The following UTRN variants were observed in gnomAD, a reference collection of about 807,000 sequenced individuals.
UTRN encodes utrophin.
A neutral mutation model predicts 463.9 loss-of-function variants in UTRN; 283 were observed. That is an observed-to-expected ratio of 0.61 (90% CI 0.55 to 0.67). UTRN has a LOEUF of 0.67. UTRN is among the 30% of genes least tolerant of loss of function. UTRN has a pLI of 0.00. For missense variants in UTRN, 3,922 were observed against 4,084.3 expected, an observed-to-expected ratio of 0.96 and a Z score of 1.08; for synonymous variants, 1,442 against 1,431.5, an observed-to-expected ratio of 1.01 and a Z score of -0.17.
chr6:144,345,448 G>A (rs1215896903), intron 2 of UTRN, among the ~76,000 whole-genome samples: 2 of 152,122 alleles, frequency 1.3e-5, no homozygotes, highest in African/African-American at 4.8e-5. Context: ...GCTGCGGCAT[G>A]AGGATCACTT....
intron 3 of UTRN, among the ~76,000 whole-genome samples, chr6:144,419,973 GACACAC>G (rs60093118): frequency 0.037 from 5,419 of 147,990 alleles, 318 homozygotes; most frequent in African/African-American, 0.13. Flanking sequence ...CACAGACACA[GACACAC>G]ACACACACAC....
intron 51 of UTRN, among the ~76,000 whole-genome samples, chr6:144,605,677 ATT>A (rs11370145): frequency 6.4e-5 from 9 of 139,710 alleles, no homozygotes; most frequent in East Asian, 6.1e-4. Context: ...TGTGGGTGCC[ATT>A]TTTTTTTTTT....
intron 51 of UTRN, among the ~76,000 whole-genome samples, chr6:144,588,386 C>T (rs1165605592): frequency 2.6e-5 from 4 of 152,128 alleles, no homozygotes; most frequent in Non-Finnish European, 5.9e-5. Context: ...TAGCTAAAAA[C>T]AGTATAATTA....
In UTRN at chr6:144,448,781, T is replaced by G. The variant is rs1422298570; in HGVS notation, c.2072+12T>G. On this transcript the variant is annotated intron_variant, in intron 17 of 74. Coordinates refer to ENST00000367545, the MANE Select transcript of UTRN (RefSeq NM_007124.3). ...GAAGCTAAGAAAAAGTGAGAAGAGA[T>G]AGAGAAATTGTTCAAATCCAATATT... 28 of 1,611,506 alleles carry G rather than the reference T, an allele frequency of 1.7e-5. No individual in the cohort carries two copies. The Middle Eastern group carries it at 1.3e-3, about 76-fold the overall frequency.
intron 51 of UTRN, among the ~76,000 whole-genome samples, chr6:144,669,957 G>GTGTA (rs1491485615): frequency 5.5e-3 from 29 of 5,314 alleles, no homozygotes; most frequent in African/African-American, 0.011. Flanking sequence ...GTATTCCATG[G>GTGTA]TGTGTGTGTG....
intron 12 of UTRN, among the ~76,000 whole-genome samples, chr6:144,439,309 G>C (rs1413271694): frequency 6.6e-6 from 1 of 152,072 alleles, no homozygotes; most frequent in Admixed American, 6.5e-5. Flanking sequence ...CACAAGTCTA[G>C]GAGATAAACT....
chr6:144,551,136 GACAC>G (rs5880596), intron 48 of UTRN, 54 bp downstream of exon 48: 16,333 of 629,198 alleles, frequency 0.026, 303 homozygotes, highest in African/African-American at 0.11. Context: ...TGCAAATGGT[GACAC>G]ACACACACAC....
rs1377310271 is a variant in UTRN at position 144,613,520 on chromosome 6, A to G, written c.7479+36232A>G. On this transcript the variant is annotated intron_variant, in intron 51 of 74. Transcript: ENST00000367545. ...GGTTTTTCAATTACAAAACAAAAAC[A>G]AAAACACTAAATGCATGTTGTATGA... Among the ~76,000 whole-genome samples, 9 of 152,116 alleles carry G rather than the reference A, an allele frequency of 5.9e-5. No individual in the cohort carries two copies. In the East Asian group the frequency reaches 1.7e-3, roughly 29 times the overall value.
chr6:144,649,340 T>C (rs1323621720), intron 51 of UTRN, among the ~76,000 whole-genome samples: 2 of 152,156 alleles, frequency 1.3e-5, no homozygotes, highest in Admixed American at 1.3e-4. Context: ...ACCTTGAAAG[T>C]TAGGAGTCAG....
At chr6:144,765,956 A>G (rs1334301144) in intron 58 of UTRN, among the ~76,000 whole-genome samples, 2 of 152,004 alleles carry the variant, frequency 1.3e-5, no homozygotes, top group East Asian at 1.9e-4. Context: ...CTAAAAGTAT[A>G]TCTTTGGATT....
At chr6:144,642,445 C>T (rs1342265842) in intron 51 of UTRN, among the ~76,000 whole-genome samples, 1 of 152,084 alleles carries the variant, frequency 6.6e-6, no homozygotes, top group African/African-American at 2.4e-5. Flanking sequence ...AAAAGTAATA[C>T]ATTTTGAGGG....
At chr6:144,510,171 A>G (rs1030225658) in intron 34 of UTRN, among the ~76,000 whole-genome samples, 4 of 152,222 alleles carry the variant, frequency 2.6e-5, no homozygotes, top group Admixed American at 2.0e-4. Context: ...AAAAATGGTC[A>G]ATAATAGTAG....
At chr6:144,287,281 T>C (rs1803780682) in intron 1 of UTRN, among the ~76,000 whole-genome samples, 1 of 152,122 alleles carries the variant, frequency 6.6e-6, no homozygotes, top group Non-Finnish European at 1.5e-5. Flanking sequence ...ACTCTTTAAC[T>C]CTCCTTTGGG....
At chr6:144,549,304 T>C (rs1798694720) in intron 47 of UTRN, among the ~76,000 whole-genome samples, 1 of 152,218 alleles carries the variant, frequency 6.6e-6, no homozygotes, top group African/African-American at 2.4e-5. Flanking sequence ...AAATTCTTTT[T>C]CCCTATTTAG....
chr6:144,698,700 G>A (rs1784263897), intron 52 of UTRN, among the ~76,000 whole-genome samples: 1 of 152,222 alleles, frequency 6.6e-6, no homozygotes, highest in African/African-American at 2.4e-5. Flanking sequence ...GGATAAGTGG[G>A]CTTTCACCAG....
At chr6:144,293,497 T>G (rs918195614) in intron 2 of UTRN, among the ~76,000 whole-genome samples, 1 of 152,174 alleles carries the variant, frequency 6.6e-6, no homozygotes, top group Non-Finnish European at 1.5e-5. Flanking sequence ...GATAACATGT[T>G]TTTAACACAT....
intron 2 of UTRN, among the ~76,000 whole-genome samples, chr6:144,355,997 G>T (rs1449726157): frequency 6.6e-6 from 1 of 152,132 alleles, no homozygotes; most frequent in Admixed American, 6.5e-5. Flanking sequence ...TCATAGTTGG[G>T]AATATATCCA....
chr6:144,610,198 A>G (rs1300930419), intron 51 of UTRN, among the ~76,000 whole-genome samples: 1 of 152,012 alleles, frequency 6.6e-6, no homozygotes, highest in East Asian at 1.9e-4. Flanking sequence ...TAACCAAGAA[A>G]AAAAAAAAGA....
In UTRN at chr6:144,797,839, G is replaced by C; in HGVS notation, c.9094G>C (p.Glu3032Gln). ...SCFQQNNNKP[E>Q]ISVKEFIDWM... Reference sequence around the variant, plus strand: ...TTTTCACCAGAATAACAATAAACCAGAAATAAGTGTGAAAGAGTTTATAGA... The same window carrying C: ...TTTTCACCAGAATAACAATAAACCACAAATAAGTGTGAAAGAGTTTATAGA... The change falls in exon 64 of 75, where the codon GAA (glutamate) becomes CAA (glutamine). Residue 3032 changes from glutamate (E) to glutamine (Q), a missense_variant. By Grantham distance (29) the Glu-to-Gln change is conservative. Coordinates refer to ENST00000367545, the MANE Select transcript of UTRN (RefSeq NM_007124.3). The C allele has an allele frequency of 1.2e-6, 2 of 1,613,824 alleles. No homozygotes were observed. Among genetic ancestry groups the C allele is most frequent in the Non-Finnish European group, 1.7e-6 (2 of 1,179,890 alleles).
Sources: gnomAD v4.1 joint callset for allele counts (sites outside exome capture counted in the v4.1 genomes callset) on GRCh38, gnomAD v4.1.1 for gene constraint, MANE v1.5 for transcripts, NCBI Gene and HGNC (gene_info 2026-07-23, HGNC 2026-07-21) for gene names.